The following FUS variants were observed in gnomAD, a reference collection of about 807,000 sequenced individuals.
FUS encodes RNA-binding protein FUS.
A neutral mutation model predicts 82.7 loss-of-function variants in FUS; 5 were observed. The observed-to-expected ratio is 0.06, with a 90% confidence interval of 0.03 to 0.13. The LOEUF (loss-of-function observed/expected upper bound fraction) is 0.13, where lower values mean the gene tolerates loss of function less well. Among genes scored for constraint, FUS ranks in the 10% least tolerant of loss-of-function variants. The probability of loss-of-function intolerance (pLI) is 1.00; values close to 1 mark genes in which losing one functional copy is unlikely to be tolerated. For missense variants in FUS, 512 were observed against 707.8 expected (o/e 0.72, Z 3.14); for synonymous variants, 281 against 247.4 (o/e 1.14, Z -1.27).
downstream of FUS, chr16:31,191,963 C>G (rs1166376193): frequency 1.9e-6 from 1 of 533,196 alleles, no homozygotes; most frequent in Non-Finnish European, 3.6e-6. Context: ...GAGGCTCAAA[C>G]AAACTACATT....
intron 6 of FUS, chr16:31,186,469 G>T (rs1368805902): frequency 6.6e-6 from 3 of 452,214 alleles, no homozygotes; most frequent in East Asian, 7.7e-5. Context: ...CAACTACTTG[G>T]TTGTCAACCA....
At position 31,190,987 on chromosome 16, in the gene FUS, G is replaced by A. The variant is rs777102516; in HGVS notation, c.1418G>A (p.Arg473His). ...HMGGNYGDDR[R>H]GGRGGYDRGG... ...GGGGGTAACTACGGGGATGATCGTCGTGGTGGCAGAGGAGGCTATGATCGA... is the reference window on the plus strand; with the variant it reads ...GGGGGTAACTACGGGGATGATCGTCATGGTGGCAGAGGAGGCTATGATCGA... The change falls in exon 14 of 15, where the codon CGT becomes CAT. Residue 473 changes from arginine (R) to histidine (H), a missense_variant. By Grantham distance (29) the Arg-to-His change is conservative. This residue lies in a region of FUS where 96 missense variants were observed against 120.7 expected (regional missense o/e 0.80). Transcript: ENST00000254108. The A allele has an allele frequency of 3.1e-6, 5 of 1,613,548 alleles. No homozygotes were observed. The highest frequency in any genetic ancestry group is 2.2e-5 in the South Asian group (2 of 91,046).
chr16:31,185,568 C>T (rs1008609471), intron 6 of FUS: 1 of 537,858 alleles, frequency 1.9e-6, no homozygotes, highest in Non-Finnish European at 3.6e-6. Flanking sequence ...TATGTGTATT[C>T]CCATGTGTCC....
intron 3 of FUS, 57 bp downstream of exon 3, chr16:31,182,721 T>C: frequency 5.0e-6 from 8 of 1,610,230 alleles, no homozygotes; most frequent in Non-Finnish European, 6.8e-6. Context: ...TGCTTTTCTT[T>C]TTCTTGTTTT....
At chr16:31,193,315 G>A (rs763129862), downstream of FUS, 6 of 520,080 alleles carry the variant, frequency 1.2e-5, 1 homozygote, top group South Asian at 7.7e-5. Context: ...ACAAAGGATC[G>A]TCAAGTGGGC....
In FUS at chr16:31,188,376, G is replaced by T; in HGVS notation, c.832+19G>T. The T allele has an allele frequency of 6.2e-7, 1 of 1,613,522 alleles. No individual in the cohort carries two copies. Among genetic ancestry groups the T allele is most frequent in the Non-Finnish European group, 8.5e-7 (1 of 1,179,578 alleles). On this transcript the variant is annotated intron_variant, in intron 8 of 14. Coordinates refer to ENST00000254108, the MANE Select transcript of FUS (RefSeq NM_004960.4). The stretch of plus-strand genomic sequence containing the variant: ...GACTCCGGTGAGTTCACACGTGGTG[G>T]CATGAAAAGAGTGGCTAAAGTGGTA...
intron 6 of FUS, chr16:31,186,587 A>G (rs897932827): frequency 3.5e-5 from 21 of 600,430 alleles, no homozygotes; most frequent in Admixed American, 5.8e-5. Context: ...TTAAAGCAAA[A>G]TCTTTATAAA....
At position 31,183,324 on chromosome 16, in the gene FUS, T is replaced by C. The variant is rs188024631; in HGVS notation, c.191-534T>C. ...AAAAATGTTTATTGGTTTGTGATTCTGTTTCCATTTATTTTCTTTGGCTTT... is the reference window on the plus strand; with the variant it reads ...AAAAATGTTTATTGGTTTGTGATTCCGTTTCCATTTATTTTCTTTGGCTTT... On this transcript the variant is annotated intron_variant, in intron 3 of 14. Transcript: ENST00000254108. 7.7e-5 allele frequency: 13 copies of C among 169,280 alleles called. No individual in the cohort carries two copies. In the East Asian group the frequency reaches 2.1e-3, roughly 27 times the overall value. 10.5% of individuals were successfully genotyped at this position (169,280 alleles called of 1,614,324 possible). A position where few individuals can be genotyped will look rare whatever the true frequency, so the allele number is the denominator to read the frequency against.
At chr16:31,188,170 AG>A in intron 7 of FUS, 154 bp from the exon 8 acceptor site, 4 of 761,340 alleles carry the variant, frequency 5.3e-6, no homozygotes, top group Non-Finnish European at 8.5e-6. Flanking sequence ...GACCCAGGAA[AG>A]GGTTTGGAGT....
chr16:31,193,946 C>G, downstream of FUS: 1 of 530,962 alleles, frequency 1.9e-6, no homozygotes, highest in Non-Finnish European at 3.6e-6. Context: ...TGCGTTTGGC[C>G]AGAATACTCT....
downstream of FUS, chr16:31,192,017 A>G (rs559669527): frequency 1.9e-6 from 1 of 533,340 alleles, no homozygotes; most frequent in Non-Finnish European, 3.6e-6. Flanking sequence ...GAGAGCGCTT[A>G]GCCACTCTGG....
rs1244704250 is a variant in FUS, at chr16:31,185,132, T to C, written c.717T>C (p.Tyr239=). 3.1e-6 allele frequency: 5 copies of C among 1,611,016 alleles called. No individual in the cohort carries two copies. The highest frequency in any genetic ancestry group is 1.7e-4 in the Middle Eastern group (1 of 6,038). ...GTTACAACCGCAGCAGTGGTGGCTA[T>C]GAACCCAGAGGTCGTGGAGGTGGCC... ...GGGYNRSSGG[Y]EPRGRGGGRG... The change falls in exon 6 of 15, where the codon TAT becomes TAC. Residue 239 remains tyrosine, a synonymous_variant. Transcript: ENST00000254108.
chr16:31,190,620 G>GT, intron 12 of FUS, 122 bp from the exon 13 acceptor site: 1 of 1,197,736 alleles, frequency 8.3e-7, no homozygotes, highest in African/African-American at 1.5e-5. Flanking sequence ...GAAGCAAGCC[G>GT]TTTTGTCTTT....
intron 7 of FUS, 94 bp from the exon 8 acceptor site, chr16:31,188,231 A>C: frequency 1.5e-6 from 2 of 1,354,536 alleles, no homozygotes; most frequent in Non-Finnish European, 2.1e-6. Flanking sequence ...TTTGGTGTTA[A>C]TTTTTTTCCT....
chr16:31,192,064 G>A (rs115626460), downstream of FUS: 1,615 of 532,886 alleles, frequency 3.0e-3, 31 homozygotes, highest in African/African-American at 0.028. Flanking sequence ...AGTGCTGCAG[G>A]AGTTTGTGGA....
chr16:31,192,386 A>C (rs984768029), downstream of FUS: 4 of 523,828 alleles, frequency 7.6e-6, no homozygotes, highest in African/African-American at 5.6e-5. Flanking sequence ...CGTACCTGCC[A>C]ACCAGTTATT....
intron 11 of FUS, 30 bp downstream of exon 11, chr16:31,190,171 G>A (rs748162247): frequency 1.9e-6 from 3 of 1,613,924 alleles, no homozygotes; most frequent in South Asian, 2.2e-5. Context: ...TGGTGCAGAG[G>A]GGTAATGGGG....
At chr16:31,192,219 CATT>C (rs754310377), downstream of FUS, 103 of 525,994 alleles carry the variant, frequency 2.0e-4, no homozygotes, top group Non-Finnish European at 2.7e-4. Context: ...AGGTCATTGA[CATT>C]ATGAGATTTT....
chr16:31,193,466 C>T, downstream of FUS: 1 of 528,114 alleles, frequency 1.9e-6, no homozygotes, highest in Non-Finnish European at 3.7e-6. Flanking sequence ...GGTGCTTTGC[C>T]TAGCAGGATT....
Sources: gnomAD v4.1 joint callset for allele counts on GRCh38, gnomAD v4.1.1 for gene constraint, gnomAD v4.1.1 regional missense constraint, MANE v1.5 for transcripts, NCBI Gene and HGNC (gene_info 2026-07-23, HGNC 2026-07-21) for gene names.